Variants in RNF157 observed in about 807,000 individuals in gnomAD.
RNF157 encodes the protein E3 ubiquitin ligase RNF157.
Under a neutral mutation model 88.3 loss-of-function variants are expected in RNF157, and 55 were observed. The ratio of observed to expected loss-of-function variants is 0.62; its 90% CI spans 0.50 to 0.78. The LOEUF (loss-of-function observed/expected upper bound fraction) is 0.78. RNF157 is among the 30% of genes least tolerant of loss of function. The probability of loss-of-function intolerance (pLI) is 0.00; values close to 1 mark genes in which losing one functional copy is unlikely to be tolerated. For missense variants in RNF157, 788 were observed against 860.8 expected (o/e 0.92, Z 1.06); for synonymous variants, 334 against 341.2 (o/e 0.98, Z 0.23).
At position 76,143,576 on chromosome 17, in the gene RNF157, A is replaced by G. The variant is rs1296182897; in HGVS notation, c.*1659T>C. 1 of 152,210 alleles carries G rather than the reference A, an allele frequency of 6.6e-6. No homozygotes were observed. Among genetic ancestry groups the G allele is most frequent in the Admixed American group, 6.5e-5 (1 of 15,280 alleles). The allele number at this position is 152,210 out of a possible 1,614,324, so 9.4% of individuals were successfully genotyped here. The stretch of plus-strand genomic sequence containing the variant: ...AACATTAGGTGGGGCCTGAAATGGT[A>G]AAGTCTACTGCAGTTTTTCAGAGAG... On this transcript the variant is annotated 3_prime_UTR_variant, in exon 19 of 19. Coordinates refer to ENST00000269391, the MANE Select transcript of RNF157 (RefSeq NM_052916.3).
intron 17 of RNF157, 138 bp from the exon 18 acceptor site, chr17:76,152,603 A>G (rs1287265793): frequency 7.9e-6 from 5 of 631,904 alleles, no homozygotes; most frequent in Non-Finnish European, 1.4e-5. Context: ...TTAAGCGGAT[A>G]AAGAGTGGAC....
rs35297368 is a variant in RNF157 at position 76,172,607 on chromosome 17, C to CAAAAAAAAAAAAA, written c.296+1082_296+1094dup. 1.5e-3 allele frequency among the ~76,000 whole-genome samples: 47 copies of CAAAAAAAAAAAAA among 31,718 alleles called. 2 individuals are homozygous for CAAAAAAAAAAAAA. The highest frequency in any genetic ancestry group is 5.3e-3 in the African/African-American group (43 of 8,086). 20.8% of individuals were successfully genotyped at this position (31,718 alleles called of 152,430 possible). On this transcript the variant is annotated intron_variant, in intron 3 of 18. Transcript: ENST00000269391. Reference sequence around the variant, plus strand: ...GGGCAACAAGAGCAAAACTCCATCTCAAAAAAAAAAAAAAAAAAAAAAAAA... The same window carrying CAAAAAAAAAAAAA: ...GGGCAACAAGAGCAAAACTCCATCTCAAAAAAAAAAAAAAAAAAAAAAAAAAAAAAAAAAAAAA...
chr17:76,159,617 T>C (rs761375827), intron 11 of RNF157, 44 bp from the exon 12 acceptor site: 1 of 1,379,694 alleles, frequency 7.2e-7, no homozygotes, highest in East Asian at 2.3e-5. Flanking sequence ...TAGGTCCTTT[T>C]TGTTTTATGA....
chr17:76,167,157 G>T, intron 4 of RNF157, 31 bp from the exon 5 acceptor site: 1 of 1,529,120 alleles, frequency 6.5e-7, no homozygotes, highest in Non-Finnish European at 9.1e-7. Context: ...CAAAGCAAAA[G>T]TCAGTATCCG....
rs755234792 is a variant in RNF157, at chr17:76,155,256, G to T, written c.1760C>A (p.Ala587Glu). 1.2e-6 allele frequency: 2 copies of T among 1,613,900 alleles called. No individual in the cohort carries two copies. Among genetic ancestry groups the T allele is most frequent in the South Asian group, 2.2e-5 (2 of 91,090 alleles). Residue 587 changes from alanine (A) to glutamate (E), a missense_variant, in exon 16 of 19, where the codon GCA becomes GAA. Transcript: ENST00000269391. ...FAGLPAGEQD[A>E]EGNDVIEEED... ...ACTCCGTGCTGTTGGGGTTACCTCTGCATCCTGCTCTCCAGCTGGGAGGCC... is the reference window on the plus strand; with the variant it reads ...ACTCCGTGCTGTTGGGGTTACCTCTTCATCCTGCTCTCCAGCTGGGAGGCC...
chr17:76,160,778 A>G lies in RNF157; in HGVS notation c.1065+757T>C, dbSNP rs188510617. 1.3e-5 allele frequency among the ~76,000 whole-genome samples: 2 copies of G among 152,184 alleles called. No homozygotes were observed. The highest frequency in any genetic ancestry group is 1.3e-4 in the Admixed American group (2 of 15,310). On this transcript the variant is annotated intron_variant, in intron 11 of 18. Transcript: ENST00000269391. The surrounding 1 kb of genome is among the most constrained non-coding windows in gnomAD (Gnocchi z 4.3). ...GTAAAATGTATGGTTCTTGCTTTCA[A>G]GCTTAGAGAATCCTTTCCAATCCAA...
At chr17:76,226,090 C>A in intron 1 of RNF157, 4 of 1,601,696 alleles carry the variant, frequency 2.5e-6, no homozygotes, top group Non-Finnish European at 3.4e-6. Context: ...TTGGAGAGCC[C>A]CTGGTAGAGG....
Position 76,176,469 on chromosome 17 carries a change from C to T in RNF157, c.208-2679G>A, listed in dbSNP as rs541684043. On this transcript the variant is annotated intron_variant, in intron 2 of 18. Transcript: ENST00000269391. The surrounding 1 kb of genome is among the most constrained non-coding windows in gnomAD (Gnocchi z 4.2). ...AGTTGTCTCCCATTCTTCTGTAAAT[C>T]GATTTTGCCTACTATTACTCTCGAA... 6.6e-6 allele frequency among the ~76,000 whole-genome samples: 1 copy of T among 152,256 alleles called. No homozygotes were observed. The highest frequency in any genetic ancestry group is 1.9e-4 in the East Asian group (1 of 5,188).
chr17:76,154,345 G>A lies in RNF157; in HGVS notation c.1765-17C>T, dbSNP rs2068728478. On this transcript the variant is annotated splice_polypyrimidine_tract_variant and intron_variant, in intron 16 of 18. Transcript: ENST00000269391. Reference sequence around the variant, plus strand: ...ATCATTTCCCTAGGACAGAAGGAAGGCCCTGTGAGTCTATGAAGCGGCAAA... The same window carrying A: ...ATCATTTCCCTAGGACAGAAGGAAGACCCTGTGAGTCTATGAAGCGGCAAA... The A allele has an allele frequency of 1.9e-6, 3 of 1,600,752 alleles. No homozygotes were observed. Among genetic ancestry groups the A allele is most frequent in the Non-Finnish European group, 2.6e-6 (3 of 1,167,864 alleles).
At chr17:76,186,254 C>CGGTGACT (rs2069284612) in intron 2 of RNF157, among the ~76,000 whole-genome samples, 3 of 152,116 alleles carry the variant, frequency 2.0e-5, no homozygotes, top group South Asian at 4.1e-4. Context: ...GCCTGTAATC[C>CGGTGACT]CAGCACTTTG....
intron 2 of RNF157, chr17:76,202,545 G>GTGAGCTC (rs1361766204): frequency 1.3e-5 from 2 of 153,502 alleles, no homozygotes; most frequent in Non-Finnish European, 2.9e-5. Context: ...ACACTTGCCT[G>GTGAGCTC]TGAGCTCTCT....
rs1057000512 is a variant in RNF157 at position 76,176,305 on chromosome 17, G to T, written c.208-2515C>A. Among the ~76,000 whole-genome samples, 1 of 152,304 alleles carries T rather than the reference G, an allele frequency of 6.6e-6. No homozygotes were observed. Among genetic ancestry groups the T allele is most frequent in the South Asian group, 2.1e-4 (1 of 4,826 alleles). The stretch of plus-strand genomic sequence containing the variant: ...TGATCATTTCTGGCTGAGGTAATCT[G>T]AAGGCTTCATGGAGGAGTTGGTAGT... On this transcript the variant is annotated intron_variant, in intron 2 of 18. Coordinates refer to ENST00000269391, the MANE Select transcript of RNF157 (RefSeq NM_052916.3). This position sits in a 1 kb window ranked among gnomAD's most constrained non-coding sequence, Gnocchi z 4.2.
chr17:76,202,078 T>C lies in RNF157; in HGVS notation c.207+10286A>G, dbSNP rs1038957601. On this transcript the variant is annotated intron_variant, in intron 2 of 18. Transcript: ENST00000269391. ...TAAAGGAAGGAAGAAGGAAAGAAGA[T>C]AGCATGCAAAAGGCAAATAACCCAA... Among the ~76,000 whole-genome samples the C allele has an allele frequency of 3.3e-5, 5 of 149,846 alleles. No homozygotes were observed. In the South Asian group the frequency reaches 6.3e-4, roughly 19 times the overall value.
chr17:76,230,886 AAGAG>A (rs1423717555), intron 1 of RNF157, among the ~76,000 whole-genome samples: 1 of 112,382 alleles, frequency 8.9e-6, no homozygotes, highest in East Asian at 2.0e-4. Flanking sequence ...GAGAAAGAGA[AAGAG>A]AGAAAGAGAG....
At chr17:76,229,617 A>G (rs2070153431) in intron 1 of RNF157, among the ~76,000 whole-genome samples, 1 of 152,154 alleles carries the variant, frequency 6.6e-6, no homozygotes, top group African/African-American at 2.4e-5. Flanking sequence ...CCTCAAACTC[A>G]ATAACCTTTT....
intron 1 of RNF157, among the ~76,000 whole-genome samples, chr17:76,224,831 T>G (rs971872177): frequency 6.6e-6 from 1 of 152,164 alleles, no homozygotes; most frequent in Admixed American, 6.6e-5. Context: ...GCCCAGCCCA[T>G]GGGGCGTGGG....
intron 2 of RNF157, among the ~76,000 whole-genome samples, chr17:76,174,516 T>C (rs901842260): frequency 1.3e-5 from 2 of 152,224 alleles, no homozygotes; most frequent in African/African-American, 4.8e-5. Context: ...CTTCTGAGGA[T>C]CAAGAATGAT....
intron 1 of RNF157, among the ~76,000 whole-genome samples, chr17:76,233,326 A>G (rs542887671): frequency 2.0e-5 from 3 of 152,294 alleles, no homozygotes; most frequent in East Asian, 3.9e-4. Context: ...TTTCTTTCAG[A>G]AAGTGGCTTG....
chr17:76,165,580 C>G (rs1455367354), intron 6 of RNF157, 35 bp from the exon 7 acceptor site: 3 of 1,611,786 alleles, frequency 1.9e-6, no homozygotes, highest in Middle Eastern at 3.3e-4. Flanking sequence ...TGAAGAAGCC[C>G]AAACAGCACA....
Sources: allele counts gnomAD v4.1 joint callset (sites outside exome capture counted in the v4.1 genomes callset), GRCh38; gene constraint gnomAD v4.1.1; non-coding constraint Gnocchi (gnomAD v3.1); transcripts MANE v1.5; gene names NCBI Gene and HGNC (gene_info 2026-07-23, HGNC 2026-07-21).